Variants in CEACAM20 observed in about 807,000 individuals in gnomAD.
The protein encoded by CEACAM20 is CEA cell adhesion molecule 20.
A neutral mutation model predicts 61.2 loss-of-function variants in CEACAM20; 50 were observed. That is an observed-to-expected ratio of 0.82 (90% confidence interval 0.65 to 1.03). The LOEUF (loss-of-function observed/expected upper bound fraction) is 1.03. Among genes scored for constraint, CEACAM20 ranks in the 50% least tolerant of loss-of-function variants. The pLI is 0.00. For missense variants in CEACAM20, 683 were observed against 736.4 expected (o/e 0.93, Z 0.84); for synonymous variants, 282 against 287.7 (o/e 0.98, Z 0.20).
intron 1 of CEACAM20, 148 bp downstream of exon 1, chr19:44,529,310 T>G: frequency 2.9e-6 from 2 of 697,992 alleles, no homozygotes; most frequent in Non-Finnish European, 2.5e-6. Flanking sequence ...TCTGTCTCTG[T>G]GTCTCTATTT....
chr19:44,507,028 C>A (rs1317888508), intron 11 of CEACAM20, among the ~76,000 whole-genome samples: 33 of 152,188 alleles, frequency 2.2e-4, no homozygotes. Context: ...TCCTTCTAAT[C>A]CCTCCAGAAT....
At chr19:44,527,949 G>A (rs565424487) in intron 1 of CEACAM20, among the ~76,000 whole-genome samples, 1 of 152,088 alleles carries the variant, frequency 6.6e-6, no homozygotes, top group Non-Finnish European at 1.5e-5. Flanking sequence ...GGACCTGGCC[G>A]CTCAGGGCTG....
At chr19:44,528,399 C>T (rs1317262562) in intron 1 of CEACAM20, among the ~76,000 whole-genome samples, 2 of 151,860 alleles carry the variant, frequency 1.3e-5, no homozygotes, top group Non-Finnish European at 2.9e-5. Context: ...AGCTAATTTT[C>T]GTATTTTTAG....
At chr19:44,510,385 T>TA (rs1970936018) in intron 11 of CEACAM20, among the ~76,000 whole-genome samples, 1 of 151,746 alleles carries the variant, frequency 6.6e-6, no homozygotes, top group South Asian at 2.1e-4. Flanking sequence ...TGATGGCTCG[T>TA]GCCTGCAGTC....
chr19:44,526,176 C>T (rs1881042), intron 1 of CEACAM20, among the ~76,000 whole-genome samples: 38,571 of 151,924 alleles, frequency 0.25, 8,905 homozygotes, highest in African/African-American at 0.61. Flanking sequence ...CAGGCAAGAT[C>T]TCACTTGCAT....
At chr19:44,510,999 T>A in intron 11 of CEACAM20, 31 bp downstream of exon 11, 2 of 1,613,030 alleles carry the variant, frequency 1.2e-6, no homozygotes, top group South Asian at 2.2e-5. Context: ...GATTTCCACC[T>A]GTCCAAAGAC....
intron 4 of CEACAM20, 61 bp from the exon 5 acceptor site, chr19:44,520,813 G>C: frequency 1.3e-6 from 2 of 1,547,922 alleles, no homozygotes; most frequent in Non-Finnish European, 8.7e-7. Context: ...TCCTGCCCTT[G>C]TGGGGCCCAC....
In CEACAM20 at chr19:44,523,006, C is replaced by T. The variant is rs530000725; in HGVS notation, c.473-94G>A. Reference sequence around the variant, plus strand: ...ACGGATCAATAAATACTTTATTTCCCTCCTCCCCACTCAAAGGCTAGATCA... The same window carrying T: ...ACGGATCAATAAATACTTTATTTCCTTCCTCCCCACTCAAAGGCTAGATCA... On this transcript the variant is annotated intron_variant, in intron 3 of 11. Transcript: ENST00000614924. The T allele has an allele frequency of 1.7e-5, 18 of 1,059,608 alleles. No individual in the cohort carries two copies. In the Admixed American group the frequency reaches 3.0e-4, roughly 18 times the overall value. The allele number at this position is 1,059,608 out of a possible 1,614,324, so 65.6% of individuals were successfully genotyped here.
chr19:44,527,594 C>T (rs1971566543), intron 1 of CEACAM20, among the ~76,000 whole-genome samples: 1 of 152,124 alleles, frequency 6.6e-6, no homozygotes, highest in South Asian at 2.1e-4. Flanking sequence ...TGCCATGGCC[C>T]CTTCCCTCTG....
At chr19:44,519,429 G>A (rs1036776538) in intron 5 of CEACAM20, among the ~76,000 whole-genome samples, 20 of 152,152 alleles carry the variant, frequency 1.3e-4, no homozygotes, top group Non-Finnish European at 2.8e-4. Context: ...AGTGTAAAGA[G>A]GAGCAAAGAC....
intron 5 of CEACAM20, 73 bp downstream of exon 5, chr19:44,520,401 G>C: frequency 6.5e-7 from 1 of 1,541,906 alleles, no homozygotes; most frequent in East Asian, 2.3e-5. Context: ...TAGCATGAAT[G>C]ACTAGAAGGA....
chr19:44,520,937 T>A lies in CEACAM20; in HGVS notation c.752-185A>T, dbSNP rs114011682. Among the ~76,000 whole-genome samples the A allele has an allele frequency of 4.5e-3, 684 of 152,180 alleles. 3 individuals carry two copies. Among genetic ancestry groups the A allele is most frequent in the African/African-American group, 0.016 (644 of 41,498 alleles). On this transcript the variant is annotated intron_variant, in intron 4 of 11. Coordinates refer to ENST00000614924, the MANE Select transcript of CEACAM20 (RefSeq NM_001102597.3). ...TACGTGTATGTCTTTTGTGGATGAA[T>A]GTGTGTCGTGTGATTATTATGTGAA...
At chr19:44,510,611 A>AGAGG (rs71171251) in intron 11 of CEACAM20, among the ~76,000 whole-genome samples, 5 of 72,376 alleles carry the variant, frequency 6.9e-5, no homozygotes, top group Non-Finnish European at 2.6e-5. Context: ...AAAGAAAGAA[A>AGAGG]AAGGAAGGAA....
chr19:44,525,267 T>A, intron 1 of CEACAM20, 23 bp from the exon 2 acceptor site: 2 of 1,556,262 alleles, frequency 1.3e-6, no homozygotes, highest in Non-Finnish European at 1.7e-6. Flanking sequence ...AGAGGAGGCA[T>A]TCAGGGAGGG....
intron 11 of CEACAM20, 162 bp downstream of exon 11, chr19:44,510,868 A>G: frequency 1.3e-6 from 1 of 787,388 alleles, no homozygotes; most frequent in Admixed American, 3.0e-5. Context: ...AGTAAAACCA[A>G]CTAGAAAATG....
intron 11 of CEACAM20, among the ~76,000 whole-genome samples, chr19:44,507,717 T>C (rs1196579867): frequency 1.3e-5 from 2 of 152,162 alleles, no homozygotes; most frequent in Non-Finnish European, 2.9e-5. Context: ...CATTAAAAAT[T>C]CTTGACTAAG....
Position 44,511,118 on chromosome 19 carries a change from A to T in CEACAM20, c.1649T>A (p.Phe550Tyr). Residue 550 changes from phenylalanine (F) to tyrosine (Y), a missense_variant, in exon 11 of 12, where the codon TTC (phenylalanine) becomes TAC (tyrosine). Phe to Tyr is a conservative substitution (Grantham distance 22). Transcript: ENST00000614924. Reference sequence around the variant, plus strand: ...TTTGGGTGGTGGCTTCCAGGGGCTGAAAGAATTGCCTCTACGGCTTGCTGA... The same window carrying T: ...TTTGGGTGGTGGCTTCCAGGGGCTGTAAGAATTGCCTCTACGGCTTGCTGA... Reference protein sequence around the residue: ...LPSASRRGNSFSPWKPPPKPL... With the variant: ...LPSASRRGNSYSPWKPPPKPL... The T allele has an allele frequency of 6.2e-7, 1 of 1,614,016 alleles. No individual in the cohort carries two copies. Among genetic ancestry groups the T allele is most frequent in the Non-Finnish European group, 8.5e-7 (1 of 1,179,868 alleles).
In CEACAM20 at chr19:44,527,064, C is replaced by T. The variant is rs188119076; in HGVS notation, c.53-1820G>A. 1.8e-3 allele frequency among the ~76,000 whole-genome samples: 280 copies of T among 152,216 alleles called. 3 individuals carry two copies. Among genetic ancestry groups the T allele is most frequent in the Non-Finnish European group, 3.8e-4 (26 of 68,012 alleles). ...CCTGCCCAGTGAGTGAATAAGGGCA[C>T]GAGCTCTTAGGAACAAATATGAACT... On this transcript the variant is annotated intron_variant, in intron 1 of 11. Coordinates refer to ENST00000614924, the MANE Select transcript of CEACAM20 (RefSeq NM_001102597.3).
At chr19:44,525,065 G>A in intron 2 of CEACAM20, 36 bp downstream of exon 2, 2 of 1,603,068 alleles carry the variant, frequency 1.2e-6, no homozygotes, top group South Asian at 1.1e-5. Context: ...CATGGAGGCA[G>A]AGATCAGAAT....
Sources: gnomAD v4.1 joint callset for allele counts (sites outside exome capture counted in the v4.1 genomes callset) on GRCh38, gnomAD v4.1.1 for gene constraint, MANE v1.5 for transcripts, NCBI Gene and HGNC (gene_info 2026-07-23, HGNC 2026-07-21) for gene names.